TMEM120B: variants seen among roughly 807,000 people sequenced by gnomAD.
TMEM120B encodes transmembrane protein 120B.
A neutral mutation model predicts 55.5 loss-of-function variants in TMEM120B; 31 were observed. That is an observed-to-expected ratio of 0.56 (90% CI 0.42 to 0.75). The LOEUF (loss-of-function observed/expected upper bound fraction) is 0.75. Ranked by LOEUF, TMEM120B falls within the 30% of genes least tolerant of loss-of-function variation. TMEM120B has a pLI of 0.00. For missense variants in TMEM120B, 399 were observed against 425.5 expected (o/e 0.94, Z 0.55); for synonymous variants, 203 against 176.3 (o/e 1.15, Z -1.20).
chr12:121,721,814 T>TTTTC (rs1555329891), intron 1 of TMEM120B, among the ~76,000 whole-genome samples: 4 of 134,504 alleles, frequency 3.0e-5, no homozygotes, highest in African/African-American at 1.2e-4. Flanking sequence ...CTTTTTTTTT[T>TTTTC]TTTTTTTTTT....
chr12:121,770,882 C>T, intron 6 of TMEM120B, 25 bp from the exon 7 acceptor site: 2 of 1,613,348 alleles, frequency 1.2e-6, no homozygotes. Context: ...CTCCTGAGCA[C>T]TTTCCGTTCT....
At chr12:121,768,008 C>T (rs1333085887) in intron 6 of TMEM120B, among the ~76,000 whole-genome samples, 1 of 152,298 alleles carries the variant, frequency 6.6e-6, no homozygotes, top group East Asian at 1.9e-4. Flanking sequence ...TGGGAAGTTG[C>T]AGAGAGACCT....
intron 6 of TMEM120B, among the ~76,000 whole-genome samples, chr12:121,769,229 C>A (rs987129219): frequency 6.6e-6 from 1 of 151,806 alleles, no homozygotes; most frequent in Non-Finnish European, 1.5e-5. Context: ...TTCCCATAGC[C>A]TCTGGACTGG....
chr12:121,774,584 G>A (rs1874173807), intron 9 of TMEM120B, 74 bp from the exon 10 acceptor site: 4 of 1,452,472 alleles, frequency 2.8e-6, no homozygotes, highest in Non-Finnish European at 3.8e-6. Context: ...GTGTGGCTGG[G>A]GGTGGGCGTC....
chr12:121,751,270 C>T, intron 4 of TMEM120B, among the ~76,000 whole-genome samples: 1 of 125,852 alleles, frequency 7.9e-6, no homozygotes, highest in Non-Finnish European at 1.7e-5. Flanking sequence ...CAACACCCCA[C>T]ACCCCACACC....
At chr12:121,758,087 C>G (rs1195764725) in intron 5 of TMEM120B, 3 of 880,970 alleles carry the variant, frequency 3.4e-6, no homozygotes, top group Non-Finnish European at 4.1e-6. Context: ...TCACTGCACT[C>G]CAGCCTGACT....
chr12:121,767,537 T>C (rs1307799813), intron 6 of TMEM120B, among the ~76,000 whole-genome samples: 1 of 152,180 alleles, frequency 6.6e-6, no homozygotes, highest in African/African-American at 2.4e-5. Context: ...CTTTCTGCAA[T>C]GATAAAAAGG....
In TMEM120B at chr12:121,779,250, G is replaced by T. The variant is rs1874350705; in HGVS notation, c.*3528G>T. The T allele has an allele frequency of 1.8e-6, 1 of 547,762 alleles. No individual in the cohort carries two copies. The highest frequency in any genetic ancestry group is 3.3e-6 in the Non-Finnish European group (1 of 304,152). 33.9% of individuals were successfully genotyped at this position (547,762 alleles called of 1,614,324 possible). On this transcript the variant is annotated 3_prime_UTR_variant, in exon 12 of 12. Transcript: ENST00000449592. ...GGGGGTGGCTGTGATGAGGGCACTT[G>T]CGAGTCCCGACAACAGACACTGGCT...
At chr12:121,756,119 A>C (rs1353129111) in intron 5 of TMEM120B, among the ~76,000 whole-genome samples, 1 of 152,188 alleles carries the variant, frequency 6.6e-6, no homozygotes, top group East Asian at 1.9e-4. Flanking sequence ...GTGCTGAATA[A>C]TGATCCCCAA....
chr12:121,765,129 C>G (rs1002628711), intron 6 of TMEM120B, among the ~76,000 whole-genome samples: 4 of 133,710 alleles, frequency 3.0e-5, no homozygotes, highest in Non-Finnish European at 4.8e-5. Flanking sequence ...TCTTTTCTTT[C>G]TTTTTTTTTT....
At position 121,775,718 on chromosome 12, in the gene TMEM120B, C is replaced by A. The variant is rs374562045; in HGVS notation, c.1016C>A (p.Pro339Gln). ...AAGAACAGAGGCAAGACAAAGCAGC[C>A]GTGAGCCTCGGGCTCCTGTGCCCTC... ...LQKNRGKTKQ[P>Q] is the part of the protein sequence containing the mutation. The change falls in exon 12 of 12, where the codon CCG (proline) becomes CAG (glutamine). Residue 339 changes from proline (P) to glutamine (Q), a missense_variant. Pro to Gln is a moderately conservative substitution (Grantham distance 76). Coordinates refer to ENST00000449592, the MANE Select transcript of TMEM120B (RefSeq NM_001080825.2). The surrounding 1 kb of genome is among the most constrained non-coding windows in gnomAD (Gnocchi z 4.3). 6.2e-7 allele frequency: 1 copy of A among 1,613,876 alleles called. No homozygotes were observed. Among genetic ancestry groups the A allele is most frequent in the South Asian group, 1.1e-5 (1 of 91,088 alleles).
At chr12:121,751,224 AC>A (rs1345098268) in intron 4 of TMEM120B, among the ~76,000 whole-genome samples, 2 of 52,984 alleles carry the variant, frequency 3.8e-5, no homozygotes, top group Non-Finnish European at 7.3e-5. Flanking sequence ...CACACCCAAC[AC>A]CCCACACCCC....
intron 1 of TMEM120B, among the ~76,000 whole-genome samples, chr12:121,740,068 C>T (rs1170325829): frequency 1.3e-5 from 2 of 152,202 alleles, no homozygotes; most frequent in African/African-American, 2.4e-5. Flanking sequence ...CGTGAGCCAA[C>T]GCGCCCGGCG....
intron 5 of TMEM120B, among the ~76,000 whole-genome samples, chr12:121,761,230 C>T (rs1340977766): frequency 6.6e-6 from 1 of 152,194 alleles, no homozygotes; most frequent in Non-Finnish European, 1.5e-5. Flanking sequence ...CCATCTGTCT[C>T]AGCCTCCCCA....
At chr12:121,738,660 C>A (rs1872825512) in intron 1 of TMEM120B, among the ~76,000 whole-genome samples, 1 of 152,152 alleles carries the variant, frequency 6.6e-6, no homozygotes, top group African/African-American at 2.4e-5. Context: ...TTATTAATTA[C>A]CAGTGGAAAG....
chr12:121,775,777 C>T lies in TMEM120B; in HGVS notation c.*55C>T, dbSNP rs1460853872. On this transcript the variant is annotated 3_prime_UTR_variant, in exon 12 of 12. Transcript: ENST00000449592. This position sits in a 1 kb window ranked among gnomAD's most constrained non-coding sequence, Gnocchi z 4.3. ...CTTCAGACTGCAGGGGGCTCCCGGGCTCCTTCCCAGCAGCCCTCTCAGGCC... is the reference window on the plus strand; with the variant it reads ...CTTCAGACTGCAGGGGGCTCCCGGGTTCCTTCCCAGCAGCCCTCTCAGGCC... The T allele has an allele frequency of 2.5e-6, 4 of 1,589,568 alleles. No individual in the cohort carries two copies. Among genetic ancestry groups the T allele is most frequent in the South Asian group, 1.1e-5 (1 of 90,408 alleles).
Position 121,779,977 on chromosome 12 carries a change from TGGA to T in TMEM120B, c.*4258_*4260del. On this transcript the variant is annotated 3_prime_UTR_variant, in exon 12 of 12. Coordinates refer to ENST00000449592, the MANE Select transcript of TMEM120B (RefSeq NM_001080825.2). ...TGTCTCCCAGGCCTGTGAGAAGAGT[TGGA>T]GGCCTCAAGACAGAAAGGACTTCCA... 1 of 307,610 alleles carries T rather than the reference TGGA, an allele frequency of 3.3e-6. No homozygotes were observed. Among genetic ancestry groups the T allele is most frequent in the Non-Finnish European group, 6.2e-6 (1 of 162,484 alleles). 19.1% of individuals were successfully genotyped at this position (307,610 alleles called of 1,614,324 possible).
intron 1 of TMEM120B, among the ~76,000 whole-genome samples, chr12:121,733,798 A>G (rs558734288): frequency 4.8e-4 from 73 of 152,290 alleles, no homozygotes; most frequent in Non-Finnish European, 9.9e-4. Flanking sequence ...TCGGCCTCCC[A>G]AAGTGCTAGG....
At chr12:121,730,965 A>T (rs1481521640) in intron 1 of TMEM120B, among the ~76,000 whole-genome samples, 2 of 152,130 alleles carry the variant, frequency 1.3e-5, no homozygotes, top group Admixed American at 6.6e-5. Context: ...TCTCAAAAAA[A>T]AAAAAGAAAA....
Sources: gnomAD v4.1 joint callset for allele counts (sites outside exome capture counted in the v4.1 genomes callset) on GRCh38, gnomAD v4.1.1 for gene constraint, Gnocchi (gnomAD v3.1) non-coding constraint, MANE v1.5 for transcripts, NCBI Gene and HGNC (gene_info 2026-07-23, HGNC 2026-07-21) for gene names.